HDAC9: variants seen among roughly 807,000 people sequenced by gnomAD.
HDAC9 encodes the protein histone deacetylase 9, also known as MEF-2 interacting transcription repressor (MITR) protein.
Under a neutral mutation model 139.4 loss-of-function variants are expected in HDAC9, and 41 were observed. The observed-to-expected ratio is 0.29, with a 90% CI of 0.23 to 0.38. HDAC9 has a LOEUF of 0.38. HDAC9 is among the 10% of genes least tolerant of loss of function. The pLI, the probability that HDAC9 is intolerant of heterozygous loss-of-function variation, is 1.00. For synonymous variants in HDAC9, 517 were observed against 476.2 expected (o/e 1.09, Z -1.12); for missense variants, 1,147 against 1,297.0 (o/e 0.88, Z 1.78).
At chr7:18,710,830 T>G (rs11982882) in intron 12 of HDAC9, among the ~76,000 whole-genome samples, 10,191 of 152,272 alleles carry the variant, frequency 0.067, 1,065 homozygotes, top group African/African-American at 0.22. Flanking sequence ...AACATTTTGT[T>G]GCTTTATTAT....
intron 1 of HDAC9, among the ~76,000 whole-genome samples, chr7:18,318,733 T>C (rs1317630388): frequency 6.6e-6 from 1 of 152,204 alleles, no homozygotes; most frequent in Non-Finnish European, 1.5e-5. Context: ...CAAAGAGACC[T>C]GGGTTCATAC....
chr7:18,182,415 T>C (rs1224928607), intron 2 of HDAC9, among the ~76,000 whole-genome samples: 3 of 152,166 alleles, frequency 2.0e-5, no homozygotes, highest in African/African-American at 7.2e-5. Context: ...AAAAGAAGAA[T>C]AGCCAATATG....
At chr7:18,322,794 T>C (rs1457436028) in intron 1 of HDAC9, among the ~76,000 whole-genome samples, 5 of 152,042 alleles carry the variant, frequency 3.3e-5, no homozygotes, top group Non-Finnish European at 7.4e-5. Flanking sequence ...AAATAACAGT[T>C]AGTTTCAAGA....
chr7:18,462,642 T>C (rs550783203), intron 1 of HDAC9, among the ~76,000 whole-genome samples: 2 of 152,184 alleles, frequency 1.3e-5, no homozygotes, highest in Non-Finnish European at 2.9e-5. Flanking sequence ...TATATATTCT[T>C]TTGTGACTGG....
intron 12 of HDAC9, among the ~76,000 whole-genome samples, chr7:18,716,142 A>T (rs760896466): frequency 2.6e-5 from 4 of 152,172 alleles, no homozygotes; most frequent in Non-Finnish European, 4.4e-5. Flanking sequence ...TCAGGCTATT[A>T]TCTCTAGACC....
chr7:18,742,009 T>C (rs1297972433), intron 13 of HDAC9, among the ~76,000 whole-genome samples: 1 of 152,122 alleles, frequency 6.6e-6, no homozygotes, highest in Non-Finnish European at 1.5e-5. Context: ...GCAAGAAAAA[T>C]GTTTTCTTGG....
chr7:18,308,988 C>G (rs79490141), intron 1 of HDAC9, among the ~76,000 whole-genome samples: 12,831 of 152,182 alleles, frequency 0.084, 743 homozygotes, highest in East Asian at 0.26. Flanking sequence ...GAGGAGAATT[C>G]GTGTCAACTC....
chr7:18,110,069 C>T (rs1442165652), intron 1 of HDAC9, among the ~76,000 whole-genome samples: 1 of 152,154 alleles, frequency 6.6e-6, no homozygotes, highest in African/African-American at 2.4e-5. Flanking sequence ...AGTTGACTTC[C>T]AAAAATACTT....
chr7:18,528,428 G>T (rs1016333730), intron 2 of HDAC9, among the ~76,000 whole-genome samples: 1 of 152,072 alleles, frequency 6.6e-6, no homozygotes. Flanking sequence ...GCCCAGTGAA[G>T]GAAATGGAAT....
chr7:18,943,420 T>G (rs1196073111), intron 23 of HDAC9, among the ~76,000 whole-genome samples: 1 of 152,082 alleles, frequency 6.6e-6, no homozygotes, highest in Non-Finnish European at 1.5e-5. Flanking sequence ...TATGCCTTCT[T>G]CCATTTATTT....
At chr7:18,409,106 A>G (rs1262762543) in intron 1 of HDAC9, among the ~76,000 whole-genome samples, 2 of 152,206 alleles carry the variant, frequency 1.3e-5, no homozygotes, top group African/African-American at 4.8e-5. Context: ...GCCTTGCAAA[A>G]AAATTCAAGG....
chr7:18,156,963 C>T (rs1023203421), intron 1 of HDAC9, among the ~76,000 whole-genome samples: 2 of 152,176 alleles, frequency 1.3e-5, no homozygotes, highest in African/African-American at 2.4e-5. Flanking sequence ...TGGCACACGC[C>T]TGTAGTCCCA....
intron 2 of HDAC9, among the ~76,000 whole-genome samples, chr7:18,556,172 A>G (rs1818737704): frequency 6.6e-6 from 1 of 152,092 alleles, no homozygotes; most frequent in African/African-American, 2.4e-5. Flanking sequence ...ATTTAAATAC[A>G]GGTAGCACTT....
At chr7:18,896,023 G>A (rs552903894) in intron 22 of HDAC9, among the ~76,000 whole-genome samples, 3 of 152,130 alleles carry the variant, frequency 2.0e-5, no homozygotes, top group South Asian at 4.2e-4. Context: ...TCAAAAAGGA[G>A]CAGCTGCAGT....
At chr7:18,559,564 C>T (rs187241409) in intron 2 of HDAC9, among the ~76,000 whole-genome samples, 1 of 152,080 alleles carries the variant, frequency 6.6e-6, no homozygotes, top group African/African-American at 2.4e-5. Context: ...TCAAGACATT[C>T]CCCATCTCTT....
At chr7:18,984,627 G>A (rs1193731625) in intron 25 of HDAC9, among the ~76,000 whole-genome samples, 1 of 151,720 alleles carries the variant, frequency 6.6e-6, no homozygotes, top group Non-Finnish European at 1.5e-5. Flanking sequence ...TAGATAAATT[G>A]TTGAGAAATA....
At chr7:18,488,134 G>A (rs1442570617) in intron 1 of HDAC9, among the ~76,000 whole-genome samples, 1 of 151,962 alleles carries the variant, frequency 6.6e-6, no homozygotes, top group African/African-American at 2.4e-5. Flanking sequence ...TCATAGTCCT[G>A]TAGCTAAAAA....
chr7:18,268,057 T>C lies in HDAC9; in HGVS notation c.25+105708T>C, dbSNP rs901226660. On this transcript the variant is annotated intron_variant, in intron 2 of 12. Transcript: ENST00000417496. ...AATTGATGTTGGTGCTACTCAGTTATTGGAATAATTTAAAATGTGCCTTTC... is the reference window on the plus strand; with the variant it reads ...AATTGATGTTGGTGCTACTCAGTTACTGGAATAATTTAAAATGTGCCTTTC... 3.9e-5 allele frequency among the ~76,000 whole-genome samples: 6 copies of C among 152,290 alleles called. No homozygotes were observed. In the South Asian group the frequency reaches 1.2e-3, roughly 32 times the overall value.
At chr7:18,816,031 T>C (rs1053232986) in intron 17 of HDAC9, among the ~76,000 whole-genome samples, 1 of 152,206 alleles carries the variant, frequency 6.6e-6, no homozygotes, top group Non-Finnish European at 1.5e-5. Context: ...TTCGGAAATA[T>C]TATGCATATG....
Sources: allele counts gnomAD v4.1 joint callset (sites outside exome capture counted in the v4.1 genomes callset), GRCh38; gene constraint gnomAD v4.1.1; transcripts MANE v1.5; gene names NCBI Gene and HGNC (gene_info 2026-07-23, HGNC 2026-07-21).